CHSY3: variants seen among roughly 807,000 people sequenced by gnomAD.
CHSY3 encodes chondroitin sulfate synthase 3.
Under a neutral mutation model 67.2 loss-of-function variants are expected in CHSY3, and 35 were observed. That is an observed-to-expected ratio of 0.52 (90% CI 0.40 to 0.69). CHSY3 has a LOEUF of 0.69. CHSY3 is among the 30% of genes least tolerant of loss of function. The probability of loss-of-function intolerance (pLI) is 0.00; values close to 1 mark genes in which losing one functional copy is unlikely to be tolerated. For synonymous variants in CHSY3, 474 were observed against 434.7 expected (o/e 1.09, Z -1.12); for missense variants, 1,069 against 1,138.5 (o/e 0.94, Z 0.88).
At chr5:129,916,610 G>A (rs774926735) in intron 2 of CHSY3, among the ~76,000 whole-genome samples, 6 of 149,044 alleles carry the variant, frequency 4.0e-5, no homozygotes, top group African/African-American at 1.3e-4. Flanking sequence ...TTTAATATAC[G>A]TGAGTATCTC....
At chr5:130,130,308 T>C (rs1283344716) in intron 2 of CHSY3, among the ~76,000 whole-genome samples, 1 of 152,160 alleles carries the variant, frequency 6.6e-6, no homozygotes, top group Non-Finnish European at 1.5e-5. Flanking sequence ...CAAACTTTTC[T>C]GAACCATCCT....
intron 2 of CHSY3, among the ~76,000 whole-genome samples, chr5:130,099,281 CT>C (rs1326911730): frequency 2.6e-5 from 4 of 152,154 alleles, no homozygotes; most frequent in African/African-American, 7.2e-5. Flanking sequence ...ACAGATCTTT[CT>C]TTGAGAGAAT....
chr5:130,082,840 T>C lies in CHSY3; in HGVS notation c.1087-101389T>C, dbSNP rs572874579. 8.6e-5 allele frequency among the ~76,000 whole-genome samples: 13 copies of C among 151,844 alleles called. No homozygotes were observed. In the South Asian group the frequency reaches 2.7e-3, roughly 32 times the overall value. On this transcript the variant is annotated intron_variant, in intron 2 of 2. Transcript: ENST00000305031. ...AAGTGACAGTAGTCCTCCTGAAATG[T>C]TGGAGCACTATATATATGTGTGTAT...
intron 2 of CHSY3, among the ~76,000 whole-genome samples, chr5:130,075,072 A>G (rs766634170): frequency 6.6e-6 from 1 of 151,990 alleles, no homozygotes; most frequent in Non-Finnish European, 1.5e-5. Context: ...TTACGGAGCT[A>G]TTTCTGTTTG....
rs947434736 is a variant in CHSY3, at chr5:129,944,395, AT to A, written c.1086+36047del. Among the ~76,000 whole-genome samples, 186 of 147,534 alleles carry A rather than the reference AT, an allele frequency of 1.3e-3. 2 individuals carry two copies. The Middle Eastern group carries it at 0.028, about 22-fold the overall frequency. On this transcript the variant is annotated intron_variant, in intron 2 of 2. Coordinates refer to ENST00000305031, the MANE Select transcript of CHSY3 (RefSeq NM_175856.5). ...GTCACTCATTTGGGACAATTAACGA[AT>A]TTTTTTTTTTTGAGTTGGAGTTTCG... is the stretch of plus-strand genomic sequence containing the variant.
At chr5:130,102,940 G>A (rs767496191) in intron 2 of CHSY3, among the ~76,000 whole-genome samples, 18 of 152,006 alleles carry the variant, frequency 1.2e-4, no homozygotes, top group Non-Finnish European at 1.9e-4. Flanking sequence ...GAGAATGAAA[G>A]TTGTTTATCA....
intron 2 of CHSY3, among the ~76,000 whole-genome samples, chr5:129,982,286 C>A (rs79666893): frequency 3.8e-4 from 58 of 151,252 alleles, no homozygotes; most frequent in Non-Finnish European, 4.9e-4. Context: ...TAAAAAAAAA[C>A]ACACACACAC....
In CHSY3 at chr5:129,987,997, T is replaced by A. The variant is rs1000910240; in HGVS notation, c.1086+79637T>A. Among the ~76,000 whole-genome samples, 8 of 152,282 alleles carry A rather than the reference T, an allele frequency of 5.3e-5. No homozygotes were observed. In the East Asian group the frequency reaches 1.5e-3, roughly 29 times the overall value. On this transcript the variant is annotated intron_variant, in intron 2 of 2. Coordinates refer to ENST00000305031, the MANE Select transcript of CHSY3 (RefSeq NM_175856.5). ...GCCATGATATTTATAAGTATTAAAATTTTTTAGGTACCTGAAATAATCTAC... is the reference window on the plus strand; with the variant it reads ...GCCATGATATTTATAAGTATTAAAAATTTTTAGGTACCTGAAATAATCTAC...
In CHSY3 at chr5:129,908,385, T is replaced by C. The variant is rs1760399708; in HGVS notation, c.1086+25T>C. ...GGTAAGCATGGAGCTGTGATGAAAA[T>C]GTTCACATAGTACATATACATGCCA... On this transcript the variant is annotated intron_variant, in intron 2 of 2. Coordinates refer to ENST00000305031, the MANE Select transcript of CHSY3 (RefSeq NM_175856.5). 3.1e-6 allele frequency: 5 copies of C among 1,611,190 alleles called. No homozygotes were observed. The South Asian group carries it at 4.4e-5, about 14-fold the overall frequency.
At chr5:130,024,257 A>G (rs925133540) in intron 2 of CHSY3, among the ~76,000 whole-genome samples, 1 of 151,964 alleles carries the variant, frequency 6.6e-6, no homozygotes, top group Non-Finnish European at 1.5e-5. Context: ...GAAATAAAAT[A>G]TCAAGTTCTT....
chr5:129,965,234 T>C (rs2149610144), intron 2 of CHSY3, among the ~76,000 whole-genome samples: 1 of 152,046 alleles, frequency 6.6e-6, no homozygotes, highest in Admixed American at 6.6e-5. Flanking sequence ...CACTGCCATT[T>C]GACATTGGGG....
intron 2 of CHSY3, among the ~76,000 whole-genome samples, chr5:130,046,885 G>A (rs1487236226): frequency 3.3e-5 from 5 of 151,764 alleles, no homozygotes; most frequent in Non-Finnish European, 7.4e-5. Context: ...CATCTTTTTG[G>A]AAGAGATTGG....
chr5:130,170,906 T>A (rs777356645), intron 2 of CHSY3, among the ~76,000 whole-genome samples: 16 of 152,042 alleles, frequency 1.1e-4, no homozygotes, highest in Non-Finnish European at 2.2e-4. Flanking sequence ...GAAAGCCTAG[T>A]TTGGAAATGA....
chr5:130,028,203 G>A (rs1580664311), intron 2 of CHSY3, among the ~76,000 whole-genome samples: 1 of 152,030 alleles, frequency 6.6e-6, no homozygotes, highest in East Asian at 1.9e-4. Context: ...AGCCCTCATT[G>A]CCAAGACAAT....
chr5:130,134,507 A>T (rs922360502), intron 2 of CHSY3, among the ~76,000 whole-genome samples: 2 of 152,150 alleles, frequency 1.3e-5, no homozygotes, highest in Non-Finnish European at 2.9e-5. Context: ...AGCATTCCAT[A>T]TGCATATGTT....
chr5:130,132,598 CT>C (rs1280524693), intron 2 of CHSY3, among the ~76,000 whole-genome samples: 2 of 152,172 alleles, frequency 1.3e-5, no homozygotes, highest in Non-Finnish European at 2.9e-5. Flanking sequence ...TATCCTCTCT[CT>C]GTTTTAGCAA....
At chr5:129,975,872 G>T (rs1052207175) in intron 2 of CHSY3, among the ~76,000 whole-genome samples, 1 of 152,020 alleles carries the variant, frequency 6.6e-6, no homozygotes, top group Admixed American at 6.6e-5. Flanking sequence ...TGGATAAAAT[G>T]AGATAGTTTA....
At chr5:130,119,212 T>C (rs1767924377) in intron 2 of CHSY3, among the ~76,000 whole-genome samples, 1 of 152,128 alleles carries the variant, frequency 6.6e-6, no homozygotes, top group South Asian at 2.1e-4. Context: ...TATCCAGAAC[T>C]CCAACTCAGG....
chr5:130,021,711 C>T, intron 2 of CHSY3, among the ~76,000 whole-genome samples: 1 of 152,182 alleles, frequency 6.6e-6, no homozygotes, highest in Middle Eastern at 3.4e-3. Flanking sequence ...TGCTATTTTA[C>T]TTATAATAAA....
Sources: gnomAD v4.1 joint callset for allele counts (sites outside exome capture counted in the v4.1 genomes callset) on GRCh38, gnomAD v4.1.1 for gene constraint, MANE v1.5 for transcripts, NCBI Gene and HGNC (gene_info 2026-07-23, HGNC 2026-07-21) for gene names.